The following KLHL22 variants were observed in gnomAD, a reference collection of about 807,000 sequenced individuals.
The protein encoded by KLHL22 is kelch-like protein 22.
KLHL22 carries 18 observed loss-of-function variants against 60.7 expected under a neutral mutation model. That is an observed-to-expected ratio of 0.30 (90% CI 0.20 to 0.44). The LOEUF (loss-of-function observed/expected upper bound fraction) is 0.44, where lower values mean the gene tolerates loss of function less well. Among genes scored for constraint, KLHL22 ranks in the 20% least tolerant of loss-of-function variants. KLHL22 has a pLI of 1.00. For synonymous variants in KLHL22, 355 were observed against 354.5 expected, an observed-to-expected ratio of 1.00 and a Z score of -0.01; for missense variants, 596 against 852.3, an observed-to-expected ratio of 0.70 and a Z score of 3.74.
intron 5 of KLHL22, among the ~76,000 whole-genome samples, chr22:20,455,162 C>T (rs1018777320): frequency 1.3e-5 from 2 of 152,208 alleles, no homozygotes; most frequent in South Asian, 2.1e-4. Flanking sequence ...GGATTACAGA[C>T]GTGAGCCACC....
At chr22:20,492,264 T>C (rs1243265210) in intron 1 of KLHL22, among the ~76,000 whole-genome samples, 1 of 152,086 alleles carries the variant, frequency 6.6e-6, no homozygotes, top group Non-Finnish European at 1.5e-5. Context: ...CTAGTTCTGA[T>C]TCCTTCACCT....
chr22:20,446,417 T>G (rs1601320601), intron 6 of KLHL22, 26 bp downstream of exon 6: 4 of 1,268,210 alleles, frequency 3.2e-6, no homozygotes, highest in East Asian at 4.8e-5. Context: ...TGATGACGGG[T>G]GTGGACTGCC....
At chr22:20,471,620 G>A (rs2053328280) in intron 2 of KLHL22, 105 bp from the exon 3 acceptor site, 2 of 1,260,982 alleles carry the variant, frequency 1.6e-6, no homozygotes, top group Admixed American at 3.9e-5. Context: ...TGGTGGCAGG[G>A]CCCTGGTAGT....
intron 2 of KLHL22, among the ~76,000 whole-genome samples, chr22:20,485,671 C>A (rs1378231693): frequency 6.6e-6 from 1 of 151,982 alleles, no homozygotes; most frequent in Non-Finnish European, 1.5e-5. Context: ...AGTTGGAGAC[C>A]AGCCTGGCCA....
intron 5 of KLHL22, chr22:20,451,385 T>G: frequency 6.2e-7 from 1 of 1,611,742 alleles, no homozygotes; most frequent in Non-Finnish European, 8.5e-7. Context: ...GGACTCGTAG[T>G]GGCCAGTGGA....
At chr22:20,470,713 T>C (rs1165251158) in intron 3 of KLHL22, among the ~76,000 whole-genome samples, 1 of 149,928 alleles carries the variant, frequency 6.7e-6, no homozygotes, top group South Asian at 2.1e-4. Flanking sequence ...GATGGATGGA[T>C]GCATGCATGG....
intron 5 of KLHL22, among the ~76,000 whole-genome samples, chr22:20,448,018 C>T (rs1315427835): frequency 6.6e-6 from 1 of 152,160 alleles, no homozygotes; most frequent in Non-Finnish European, 1.5e-5. Context: ...GTCCTATCAC[C>T]ACCAGGATCC....
rs890901063 is a variant in KLHL22, at chr22:20,450,407, C to T, written c.1306-3731G>A. The T allele has an allele frequency of 2.7e-6, 4 of 1,488,012 alleles. No homozygotes were observed. The East Asian group carries it at 6.8e-5, about 25-fold the overall frequency. The allele number at this position is 1,488,012 out of a possible 1,614,324, so 92.2% of individuals were successfully genotyped here. Reference sequence around the variant, plus strand: ...GGACTTTGTGTACACGGAAACAGTACATGTGACATGGAGAATGTACAGGAA... The same window carrying T: ...GGACTTTGTGTACACGGAAACAGTATATGTGACATGGAGAATGTACAGGAA... On this transcript the variant is annotated intron_variant, in intron 5 of 6. Transcript: ENST00000328879.
chr22:20,467,172 C>G (rs2053248558), intron 3 of KLHL22, among the ~76,000 whole-genome samples: 1 of 152,216 alleles, frequency 6.6e-6, no homozygotes, highest in Non-Finnish European at 1.5e-5. Context: ...GTGACCCAGA[C>G]AGCTGCAGGT....
At chr22:20,444,434 G>C (rs1165199303) in intron 6 of KLHL22, among the ~76,000 whole-genome samples, 1 of 152,122 alleles carries the variant, frequency 6.6e-6, no homozygotes, top group Non-Finnish European at 1.5e-5. Flanking sequence ...AAACTAATGT[G>C]CTGGCCCAGA....
In KLHL22 at chr22:20,459,756, G is replaced by GTGGA. The variant is rs144834193; in HGVS notation, c.1113-1760_1113-1757dup. ...TACCAACATTCCCAGGTCTCCCACT[G>GTGGA]TGGATGGGGCACAGTGCTCAGCACT... On this transcript the variant is annotated intron_variant, in intron 4 of 6. Transcript: ENST00000328879. 2.6e-4 allele frequency among the ~76,000 whole-genome samples: 39 copies of GTGGA among 152,340 alleles called. No homozygotes were observed. In the East Asian group the frequency reaches 6.4e-3, roughly 25 times the overall value.
intron 5 of KLHL22, among the ~76,000 whole-genome samples, chr22:20,447,544 CTT>C (rs11463939): frequency 3.0e-5 from 4 of 135,448 alleles, no homozygotes; most frequent in Non-Finnish European, 3.1e-5. Context: ...GGAGGTTTTT[CTT>C]TTTTTTTTTT....
At chr22:20,491,574 C>CTG (rs2053692042) in intron 1 of KLHL22, 1 of 152,166 alleles carries the variant, frequency 6.6e-6, no homozygotes, top group African/African-American at 2.4e-5. Flanking sequence ...CTATAGGCAA[C>CTG]TGTAACACAA....
rs2053754108 is a variant in KLHL22 at position 20,495,448 on chromosome 22, G to C, written c.-34+312C>G. On this transcript the variant is annotated intron_variant, in intron 1 of 6. Coordinates refer to ENST00000328879, the MANE Select transcript of KLHL22 (RefSeq NM_032775.4). This position sits in a 1 kb window ranked among gnomAD's most constrained non-coding sequence, Gnocchi z 4.6. ...GCATTCGGACCTGCCGCAGGCAACAGGGCCCGCCCGGGTGCCAGGAGGCCG... is the reference window on the plus strand; with the variant it reads ...GCATTCGGACCTGCCGCAGGCAACACGGCCCGCCCGGGTGCCAGGAGGCCG... Among the ~76,000 whole-genome samples, 1 of 152,046 alleles carries C rather than the reference G, an allele frequency of 6.6e-6. No homozygotes were observed. Among genetic ancestry groups the C allele is most frequent in the Admixed American group, 6.5e-5 (1 of 15,270 alleles).
chr22:20,451,555 A>G, intron 5 of KLHL22: 3 of 1,596,762 alleles, frequency 1.9e-6, no homozygotes, highest in Non-Finnish European at 2.6e-6. Flanking sequence ...TGTGGTGGGG[A>G]GATTTGATGG....
intron 5 of KLHL22, among the ~76,000 whole-genome samples, chr22:20,457,501 C>T (rs1162558056): frequency 6.6e-6 from 1 of 152,118 alleles, no homozygotes; most frequent in African/African-American, 2.4e-5. Flanking sequence ...ATTTGAACTA[C>T]AAGGTTTAAG....
chr22:20,486,543 C>A (rs2053589728), intron 2 of KLHL22, among the ~76,000 whole-genome samples: 1 of 152,160 alleles, frequency 6.6e-6, no homozygotes, highest in Non-Finnish European at 1.5e-5. Flanking sequence ...CTACCCTTGC[C>A]CATATCAAAT....
At chr22:20,489,380 C>T (rs999591576) in intron 1 of KLHL22, 136 bp from the exon 2 acceptor site, 9 of 670,462 alleles carry the variant, frequency 1.3e-5, no homozygotes, top group South Asian at 3.6e-5. Flanking sequence ...ATTTCCAAAT[C>T]CCCTAATTCC....
intron 5 of KLHL22, chr22:20,451,000 C>T (rs2052968138): frequency 3.2e-6 from 5 of 1,548,366 alleles, no homozygotes; most frequent in Non-Finnish European, 4.5e-6. Context: ...CCAGCAGTCT[C>T]CCATCGATGC....
Sources: gnomAD v4.1 joint callset for allele counts (sites outside exome capture counted in the v4.1 genomes callset) on GRCh38, gnomAD v4.1.1 for gene constraint, Gnocchi (gnomAD v3.1) non-coding constraint, MANE v1.5 for transcripts, NCBI Gene and HGNC (gene_info 2026-07-23, HGNC 2026-07-21) for gene names.